Variants in PGGHG observed in about 807,000 individuals in gnomAD.
PGGHG encodes protein-glucosylgalactosylhydroxylysine glucosidase.
A neutral mutation model predicts 74.5 loss-of-function variants in PGGHG; 67 were observed. The observed-to-expected ratio is 0.90, with a 90% confidence interval of 0.74 to 1.10. PGGHG has a LOEUF of 1.10. PGGHG is among the 50% of genes least tolerant of loss of function. The pLI is 0.00. For missense variants in PGGHG, 1,034 were observed against 981.5 expected (o/e 1.05, Z -0.72); for synonymous variants, 496 against 419.9 (o/e 1.18, Z -2.21).
Position 290,374 on chromosome 11 carries a change from G to T in PGGHG, c.260-16G>T. 1 of 1,539,106 alleles carries T rather than the reference G, an allele frequency of 6.5e-7. No homozygotes were observed. The highest frequency in any genetic ancestry group is 8.7e-7 in the Non-Finnish European group (1 of 1,146,232). ...ATAGCTTGGCAACCCACCTGCCTTC[G>T]CTTCTGCCTCCCCAGGCTCCTTTCT... On this transcript the variant is annotated splice_polypyrimidine_tract_variant and intron_variant, in intron 2 of 13. Transcript: ENST00000409548.
At chr11:292,809 T>G (rs568096396) in intron 6 of PGGHG, 77 bp from the exon 7 acceptor site, 1 of 1,609,292 alleles carries the variant, frequency 6.2e-7, no homozygotes, top group Non-Finnish European at 8.5e-7. Context: ...TGCCAGGCCT[T>G]GCTTCTGGGC....
rs1845711463 is a variant in PGGHG at position 291,222 on chromosome 11, G to A, written c.906+109G>A. ...ATGGTTGGGGAAGCACAGGGACTGT[G>A]GCAAAAGGGAAGAGGCCTGGAAGGT... is the stretch of plus-strand genomic sequence containing the variant. On this transcript the variant is annotated intron_variant, in intron 4 of 13. Transcript: ENST00000409548. 3.7e-6 allele frequency: 5 copies of A among 1,340,708 alleles called. No individual in the cohort carries two copies. In the Admixed American group the frequency reaches 9.6e-5, roughly 26 times the overall value. 83.1% of individuals were successfully genotyped at this position (1,340,708 alleles called of 1,614,324 possible).
In PGGHG at chr11:293,452, C is replaced by T. The variant is rs755553946; in HGVS notation, c.1430C>T (p.Pro477Leu). The change falls in exon 9 of 14, where the codon CCC (proline) becomes CTC (leucine). Residue 477 changes from proline (P) to leucine (L), a missense_variant. Transcript: ENST00000409548. Reference sequence around the variant, plus strand: ...GCGGTGGCTGACAAGATCAAGGTACCCTTTGACGTGGAGCAGAACTTCCAC... The same window carrying T: ...GCGGTGGCTGACAAGATCAAGGTACTCTTTGACGTGGAGCAGAACTTCCAC... ...WLAVADKIKV[P>L]FDVEQNFHPE... 4.3e-6 allele frequency: 7 copies of T among 1,612,120 alleles called. 1 individual carries two copies. The South Asian group carries it at 6.6e-5, about 15-fold the overall frequency.
chr11:291,968 GCTCTCAGGAC>G lies in PGGHG; in HGVS notation c.907-3_913del. On this transcript the variant is annotated splice_acceptor_variant and splice_polypyrimidine_tract_variant and coding_sequence_variant and intron_variant, in exon 5 of 14. Transcript: ENST00000409548. LOFTEE classifies it high-confidence loss of function. ...GTCCGGCGCTAGAACGAGGGACCGTGCTCTCAGGACCTCTGGATGTTCCCGAGTATCCTGA... is the reference window on the plus strand; with the variant it reads ...GTCCGGCGCTAGAACGAGGGACCGTGCTCTGGATGTTCCCGAGTATCCTGA... 1 of 1,603,946 alleles carries G rather than the reference GCTCTCAGGAC, an allele frequency of 6.2e-7. No individual in the cohort carries two copies. The highest frequency in any genetic ancestry group is 1.7e-4 in the Middle Eastern group (1 of 6,022).
chr11:291,285 G>T, intron 4 of PGGHG, 172 bp downstream of exon 4: 1 of 828,944 alleles, frequency 1.2e-6, no homozygotes, highest in Non-Finnish European at 1.8e-6. Flanking sequence ...TAGGTGAGGG[G>T]AATGGAAGGT....
chr11:293,176 C>A lies in PGGHG; in HGVS notation c.1284C>A (p.Pro428=). 1 of 1,613,886 alleles carries A rather than the reference C, an allele frequency of 6.2e-7. No homozygotes were observed. The highest frequency in any genetic ancestry group is 1.1e-5 in the South Asian group (1 of 91,078). ...EKYHLRGVMS[P]DEYHSGVNNS... is the part of the protein sequence containing the mutation. ...TTGTGTGTCCAGGAGTCATGTCCCC[C>A]GACGAGTACCATTCAGGGGTCAACA... Residue 428 remains proline, a synonymous_variant, in exon 8 of 14, where the codon CCC becomes CCA. Transcript: ENST00000409548.
In PGGHG at chr11:290,063, G is replaced by GAC. The variant is rs1253962026; in HGVS notation, c.250_251dup (p.Asn85ProfsTer104). 6.5e-7 allele frequency: 1 copy of GAC among 1,534,806 alleles called. No homozygotes were observed. The highest frequency in any genetic ancestry group is 8.8e-7 in the Non-Finnish European group (1 of 1,142,750). ...GCAGCTGACCGAGACCTTCGCCCTG[G>GAC]ACACCAACACAGGTAGCGCCACCTG... On this transcript the variant is annotated frameshift_variant, in exon 2 of 14. Transcript: ENST00000409548. LOFTEE classifies it high-confidence loss of function.
Position 289,758 on chromosome 11 carries a change from G to T in PGGHG, c.-13-46G>T. 6.6e-7 allele frequency: 1 copy of T among 1,510,008 alleles called. No individual in the cohort carries two copies. Among genetic ancestry groups the T allele is most frequent in the Non-Finnish European group, 8.9e-7 (1 of 1,126,760 alleles). The allele number at this position is 1,510,008 out of a possible 1,614,324, so 93.5% of individuals were successfully genotyped here. A position where few individuals can be genotyped will look rare whatever the true frequency, so the allele number is the denominator to read the frequency against. ...GGATTACAGACGGTCTCAAGAGGGA[G>T]GCCCAGCCAGTCCCGCGGCCCCTGA... On this transcript the variant is annotated intron_variant, in intron 1 of 13. Transcript: ENST00000409548. This position sits in a 1 kb window ranked among gnomAD's most constrained non-coding sequence, Gnocchi z 5.6.
Position 294,631 on chromosome 11 carries a change from C to A in PGGHG, c.2096C>A (p.Ser699Tyr). Residue 699 changes from serine to tyrosine, a missense_variant, in exon 14 of 14, where the codon TCC becomes TAC. By Grantham distance (144) the Ser-to-Tyr change is moderately radical. Transcript: ENST00000409548. Reference protein sequence around the residue: ...SPPKLPGSSSSEFPGRTFSDV... With the variant: ...SPPKLPGSSSYEFPGRTFSDV... Reference sequence around the variant, plus strand: ...CCGAAGCTGCCTGGAAGTTCCAGCTCCGAGTTCCCTGGGAGGACTTTTTCA... The same window carrying A: ...CCGAAGCTGCCTGGAAGTTCCAGCTACGAGTTCCCTGGGAGGACTTTTTCA... The A allele has an allele frequency of 6.2e-7, 1 of 1,613,758 alleles. No homozygotes were observed.
In PGGHG at chr11:290,868, C is replaced by T; in HGVS notation, c.661C>T (p.Leu221=). Residue 221 remains leucine, a synonymous_variant, in exon 4 of 14, where the codon CTG becomes TTG. Coordinates refer to ENST00000409548, the MANE Select transcript of PGGHG (RefSeq NM_025092.5). ...GGCCTGCCTCACTGAGGCCCTGCAG[C>T]TGCAGGCCAGGGGAGCTCTGTATAC... ...AQACLTEALQ[L]QARGALYTAH... 2 of 1,611,376 alleles carry T rather than the reference C, an allele frequency of 1.2e-6. No individual in the cohort carries two copies. Among genetic ancestry groups the T allele is most frequent in the South Asian group, 1.1e-5 (1 of 90,844 alleles).
chr11:291,055 G>A lies in PGGHG; in HGVS notation c.848G>A (p.Gly283Glu). 2.5e-6 allele frequency: 4 copies of A among 1,610,198 alleles called. No individual in the cohort carries two copies. The South Asian group carries it at 4.4e-5, about 18-fold the overall frequency. ...TACATCTGCCATGGCCTCAGTCCTG[G>A]GGGCCTCTCCAATGGGAGCCGTGAG... ...PGYICHGLSP[G>E]GLSNGSREEC... is the part of the protein sequence containing the mutation. The change falls in exon 4 of 14, where the codon GGG becomes GAG. Residue 283 changes from glycine (G) to glutamate (E), a missense_variant. By Grantham distance (98) the Gly-to-Glu change is moderately conservative. Transcript: ENST00000409548.
Position 291,987 on chromosome 11 carries a change from G to A in PGGHG, c.918G>A (p.Met306Ile), listed in dbSNP as rs1433342109. Residue 306 changes from methionine to isoleucine, a missense_variant, in exon 5 of 14, where the codon ATG (methionine) becomes ATA (isoleucine). Transcript: ENST00000409548. ...GACCGTGCTCTCAGGACCTCTGGAT[G>A]TTCCCGAGTATCCTGATGTTCCACC... ...GHVFWDQDLW[M>I]FPSILMFHPE... The A allele has an allele frequency of 9.3e-6, 15 of 1,610,060 alleles. No individual in the cohort carries two copies. Among genetic ancestry groups the A allele is most frequent in the Admixed American group, 1.7e-5 (1 of 59,524 alleles).
rs761089930 is a variant in PGGHG, at chr11:292,135, G to GGCCTGCAGC, written c.1026+41_1026+49dup. ...GGCACTGGCCCGTAGGGCCCTGCAG[G>GGCCTGCAGC]GCCTGCAGCCCCCACACCCCTCCCA... On this transcript the variant is annotated intron_variant, in intron 5 of 13. Transcript: ENST00000409548. 8.9e-5 allele frequency: 134 copies of GGCCTGCAGC among 1,503,592 alleles called. No homozygotes were observed. The African/African-American group carries it at 1.7e-3, about 19-fold the overall frequency. 93.1% of individuals were successfully genotyped at this position (1,503,592 alleles called of 1,614,324 possible).
Position 290,076 on chromosome 11 carries a change from G to A in PGGHG, c.259+1G>A, listed in dbSNP as rs1260943421. On this transcript the variant is annotated splice_donor_variant, in intron 2 of 13. Coordinates refer to ENST00000409548, the MANE Select transcript of PGGHG (RefSeq NM_025092.5). LOFTEE classifies it high-confidence loss of function. Reference sequence around the variant, plus strand: ...ACCTTCGCCCTGGACACCAACACAGGTAGCGCCACCTGGCCTGCCTCACCC... The same window carrying A: ...ACCTTCGCCCTGGACACCAACACAGATAGCGCCACCTGGCCTGCCTCACCC... 2.0e-6 allele frequency: 3 copies of A among 1,524,504 alleles called. No individual in the cohort carries two copies. The highest frequency in any genetic ancestry group is 2.6e-6 in the Non-Finnish European group (3 of 1,137,092). 94.4% of individuals were successfully genotyped at this position (1,524,504 alleles called of 1,614,324 possible). A position where few individuals can be genotyped will look rare whatever the true frequency, so the allele number is the denominator to read the frequency against.
At position 290,463 on chromosome 11, in the gene PGGHG, C is replaced by T; in HGVS notation, c.333C>T (p.Pro111=). The T allele has an allele frequency of 6.5e-7, 1 of 1,549,936 alleles. No individual in the cohort carries two copies. Among genetic ancestry groups the T allele is most frequent in the Non-Finnish European group, 8.7e-7 (1 of 1,146,922 alleles). ...GCATCTATGCGCATCGCACGCTGCC[C>T]CACGTGCTGGCTTTCCGAGTGTCCA... The part of the protein sequence containing the change: ...SQCIYAHRTL[P]HVLAFRVSIA... The change falls in exon 3 of 14, where the codon CCC becomes CCT. Residue 111 remains proline, a synonymous_variant. Coordinates refer to ENST00000409548, the MANE Select transcript of PGGHG (RefSeq NM_025092.5).
Position 289,908 on chromosome 11 carries a change from TG to T in PGGHG, c.95del (p.Gly32AlafsTer11). The T allele has an allele frequency of 6.4e-7, 1 of 1,550,990 alleles. No homozygotes were observed. ...TTGGCCACTGTGACCAACGCATACC[TG>T]GGCACACGAGTGTTTCACGACACGC... The part of the protein sequence containing the change: ...RLLATVTNAY[L>X]GTRVFHDTLH... On this transcript the variant is annotated frameshift_variant, in exon 2 of 14. Transcript: ENST00000409548. LOFTEE classifies it high-confidence loss of function. This position sits in a 1 kb window ranked among gnomAD's most constrained non-coding sequence, Gnocchi z 5.6.
Position 289,672 on chromosome 11 carries a change from G to C in PGGHG, c.-13-132G>C. On this transcript the variant is annotated intron_variant, in intron 1 of 13. Transcript: ENST00000409548. This position sits in a 1 kb window ranked among gnomAD's most constrained non-coding sequence, Gnocchi z 5.6. ...GAGGCCCCGTCTAGGAGGGGCCTCA[G>C]GAAAATCGGGGCTGCCCAGCTGGTT... is the stretch of plus-strand genomic sequence containing the variant. The C allele has an allele frequency of 8.3e-7, 1 of 1,204,490 alleles. No homozygotes were observed. The highest frequency in any genetic ancestry group is 1.1e-6 in the Non-Finnish European group (1 of 889,576). The allele number at this position is 1,204,490 out of a possible 1,614,324, so 74.6% of individuals were successfully genotyped here.
At chr11:291,618 G>GT (rs1419491294) in intron 4 of PGGHG, 1 of 285,014 alleles carries the variant, frequency 3.5e-6, no homozygotes, top group Non-Finnish European at 6.7e-6. Flanking sequence ...CTGCTCCATC[G>GT]TTGTCTGAGC....
chr11:291,774 G>A, intron 4 of PGGHG: 1 of 713,334 alleles, frequency 1.4e-6, no homozygotes, highest in African/African-American at 1.8e-5. Flanking sequence ...GAAGTGTGGG[G>A]CTGAGCACCA....
Sources: gnomAD v4.1 joint callset for allele counts on GRCh38, gnomAD v4.1.1 for gene constraint, Gnocchi (gnomAD v3.1) non-coding constraint, MANE v1.5 for transcripts, NCBI Gene and HGNC (gene_info 2026-07-23, HGNC 2026-07-21) for gene names.